RFFL: variants seen among roughly 807,000 people sequenced by gnomAD.
RFFL encodes the protein E3 ubiquitin-protein ligase rififylin.
Under a neutral mutation model 40.4 loss-of-function variants are expected in RFFL, and 16 were observed. That is an observed-to-expected ratio of 0.40 (90% confidence interval 0.27 to 0.60). RFFL has a LOEUF of 0.60. Ranked by LOEUF, RFFL falls within the 20% of genes least tolerant of loss-of-function variation. The pLI is 0.47. For synonymous variants in RFFL, 154 were observed against 167.9 expected (o/e 0.92, Z 0.64); for missense variants, 367 against 451.7 (o/e 0.81, Z 1.70).
Position 35,017,530 on chromosome 17 carries a change from T to C in RFFL, c.668A>G (p.Glu223Gly). Residue 223 changes from glutamate (E) to glycine (G), a missense_variant, in exon 4 of 7, where the codon GAG becomes GGG. Glu to Gly is a moderately conservative substitution (Grantham distance 98). Transcript: ENST00000394597. ...CCCAAGCAGAGGCCCCACCTGGGTC[T>C]CATCCTCAGCAGGTACTCTGGCCAC... ...ESVARVPAED[E>G]TQSIDSEDSF... is the part of the protein sequence containing the mutation. 1 of 1,608,516 alleles carries C rather than the reference T, an allele frequency of 6.2e-7. No individual in the cohort carries two copies. The highest frequency in any genetic ancestry group is 1.1e-5 in the South Asian group (1 of 90,022).
chr17:35,085,110 T>C (rs2091422738), intron 1 of RFFL, among the ~76,000 whole-genome samples: 1 of 152,236 alleles, frequency 6.6e-6, no homozygotes, highest in East Asian at 1.9e-4. Flanking sequence ...AAAGAATATC[T>C]CGGTCAGTGA....
chr17:35,011,750 G>A lies in RFFL; in HGVS notation c.*218C>T. The A allele has an allele frequency of 1.8e-6, 1 of 560,816 alleles. No individual in the cohort carries two copies. The highest frequency in any genetic ancestry group is 3.2e-6 in the Non-Finnish European group (1 of 312,080). 34.7% of individuals were successfully genotyped at this position (560,816 alleles called of 1,614,324 possible). ...CACTGAACCAAGAACATACCCATGT[G>A]ATTTATACAAGTTCCCACTGGCCTT... On this transcript the variant is annotated 3_prime_UTR_variant, in exon 7 of 7. Coordinates refer to ENST00000394597, the MANE Select transcript of RFFL (RefSeq NM_001017368.2).
intron 2 of RFFL, among the ~76,000 whole-genome samples, chr17:35,023,633 A>G (rs1452426094): frequency 6.6e-6 from 1 of 152,258 alleles, no homozygotes; most frequent in Non-Finnish European, 1.5e-5. Flanking sequence ...TGAAACAAAG[A>G]GGCTTCAATG....
At chr17:35,061,694 T>G (rs1476866750) in intron 1 of RFFL, among the ~76,000 whole-genome samples, 1 of 151,450 alleles carries the variant, frequency 6.6e-6, no homozygotes, top group African/African-American at 2.4e-5. Flanking sequence ...AACTCTTTTT[T>G]TTTTTTGATA....
chr17:35,084,450 CG>C (rs1226852130), intron 1 of RFFL, among the ~76,000 whole-genome samples: 3 of 151,560 alleles, frequency 2.0e-5, no homozygotes, highest in African/African-American at 7.3e-5. Context: ...AAAAATTAGC[CG>C]GGTGTGGTGA....
intron 3 of RFFL, among the ~76,000 whole-genome samples, chr17:35,020,270 C>G (rs989242281): frequency 6.6e-6 from 1 of 151,966 alleles, no homozygotes; most frequent in Non-Finnish European, 1.5e-5. Context: ...TCCCCAACCC[C>G]TGGGCCACAG....
At chr17:35,057,700 C>T (rs1184355765) in intron 1 of RFFL, among the ~76,000 whole-genome samples, 1 of 149,566 alleles carries the variant, frequency 6.7e-6, no homozygotes, top group African/African-American at 2.5e-5. Context: ...TCCATTTTCC[C>T]AAACCAGTTT....
intron 1 of RFFL, among the ~76,000 whole-genome samples, chr17:35,027,450 C>T (rs574833328): frequency 1.3e-3 from 203 of 152,238 alleles, no homozygotes; most frequent in Non-Finnish European, 2.2e-3. Flanking sequence ...CGGAGCCAGG[C>T]GCAGTGGCTC....
intron 1 of RFFL, chr17:35,069,584 G>C (rs1254998591): frequency 1.8e-5 from 5 of 283,988 alleles, no homozygotes; most frequent in Non-Finnish European, 3.5e-5. Flanking sequence ...AGCAGCTGAT[G>C]AGTAGACAAA....
At chr17:35,084,498 G>C (rs1006756647) in intron 1 of RFFL, among the ~76,000 whole-genome samples, 23 of 152,132 alleles carry the variant, frequency 1.5e-4, no homozygotes, top group African/African-American at 5.1e-4. Flanking sequence ...GGTGGCTGAG[G>C]CAGGCACATC....
intron 1 of RFFL, among the ~76,000 whole-genome samples, chr17:35,028,266 C>T (rs1159656551): frequency 1.3e-5 from 2 of 151,406 alleles, no homozygotes; most frequent in African/African-American, 2.4e-5. Context: ...GCCTGAGAGG[C>T]GGAGATGGCA....
chr17:35,088,930 C>G (rs1409612584), intron 1 of RFFL: 4 of 152,536 alleles, frequency 2.6e-5, no homozygotes, highest in Admixed American at 2.6e-4. Flanking sequence ...CGGGGACTTC[C>G]AGCCAGCCAA....
At chr17:35,044,441 A>G (rs2091185355) in intron 1 of RFFL, among the ~76,000 whole-genome samples, 1 of 152,094 alleles carries the variant, frequency 6.6e-6, no homozygotes, top group African/African-American at 2.4e-5. Flanking sequence ...TCCCAGTGAA[A>G]CCTTGTCTCT....
intron 1 of RFFL, among the ~76,000 whole-genome samples, chr17:35,055,702 A>C (rs2091257265): frequency 6.6e-6 from 1 of 151,776 alleles, no homozygotes; most frequent in Non-Finnish European, 1.5e-5. Context: ...ACAAACAAAA[A>C]AAAAACATTA....
chr17:35,024,889 C>T (rs2091031604), intron 2 of RFFL, among the ~76,000 whole-genome samples: 1 of 152,166 alleles, frequency 6.6e-6, no homozygotes, highest in Admixed American at 6.5e-5. Context: ...GTAAATTGCA[C>T]AAAATTAACT....
At chr17:35,078,853 G>A (rs1442368218) in intron 1 of RFFL, among the ~76,000 whole-genome samples, 1 of 151,902 alleles carries the variant, frequency 6.6e-6, no homozygotes, top group Non-Finnish European at 1.5e-5. Context: ...GGTGGCACAC[G>A]CCTGTGGTCC....
intron 1 of RFFL, among the ~76,000 whole-genome samples, chr17:35,079,944 C>T (rs185096000): frequency 4.5e-4 from 69 of 152,272 alleles, no homozygotes; most frequent in Non-Finnish European, 5.1e-4. Context: ...ATTAAGAATT[C>T]TCCACTGTGG....
chr17:35,023,778 T>C (rs1219626108), intron 2 of RFFL, among the ~76,000 whole-genome samples: 1 of 152,206 alleles, frequency 6.6e-6, no homozygotes, highest in Non-Finnish European at 1.5e-5. Context: ...TCTTCAAATG[T>C]GTGTGGCTTG....
intron 1 of RFFL, among the ~76,000 whole-genome samples, chr17:35,079,886 T>G (rs1186941133): frequency 6.6e-6 from 1 of 152,138 alleles, no homozygotes; most frequent in African/African-American, 2.4e-5. Context: ...TTACACAAAC[T>G]CTTCCATCAG....
Sources: gnomAD v4.1 joint callset for allele counts (sites outside exome capture counted in the v4.1 genomes callset) on GRCh38, gnomAD v4.1.1 for gene constraint, MANE v1.5 for transcripts, NCBI Gene and HGNC (gene_info 2026-07-23, HGNC 2026-07-21) for gene names.